GALNTL5: variants seen among roughly 807,000 people sequenced by gnomAD.
GALNTL5 encodes the protein polypeptide N-acetylgalactosaminyltransferase like 5.
In GALNTL5, 44 loss-of-function variants were observed where a neutral mutation model predicts 51.0. The ratio of observed to expected loss-of-function variants is 0.86; its 90% CI spans 0.68 to 1.11. The LOEUF (loss-of-function observed/expected upper bound fraction) is 1.11, where lower values mean the gene tolerates loss of function less well. Among genes scored for constraint, GALNTL5 ranks in the 50% least tolerant of loss-of-function variants. GALNTL5 has a pLI of 0.00. For missense variants in GALNTL5, 528 were observed against 531.8 expected (o/e 0.99, Z 0.07); for synonymous variants, 192 against 182.8 (o/e 1.05, Z -0.41).
chr7:151,972,529 G>C lies in GALNTL5; in HGVS notation c.368+1464G>C, dbSNP rs1368411923. Among the ~76,000 whole-genome samples the C allele has an allele frequency of 2.6e-5, 4 of 152,116 alleles. No individual in the cohort carries two copies. The East Asian group carries it at 7.7e-4, about 29-fold the overall frequency. ...ACCATGGCAACTCCTCCCATCACAG[G>C]CCCAGAGGCCTAGAAGGAAAAATGA... On this transcript the variant is annotated intron_variant, in intron 3 of 8. Transcript: ENST00000392800.
chr7:151,969,501 C>T (rs949988465), intron 2 of GALNTL5, among the ~76,000 whole-genome samples: 3 of 152,120 alleles, frequency 2.0e-5, no homozygotes, highest in Non-Finnish European at 4.4e-5. Context: ...GTGTCTGGCA[C>T]GCAGACACAG....
rs774954867 is a variant in GALNTL5, at chr7:151,971,018, T to C, written c.321T>C (p.Ser107=). 2.5e-5 allele frequency: 41 copies of C among 1,611,472 alleles called. No individual in the cohort carries two copies. The highest frequency in any genetic ancestry group is 3.5e-5 in the Non-Finnish European group (41 of 1,178,124). The change falls in exon 3 of 9, where the codon AGT becomes AGC. Residue 107 remains serine (S), a synonymous_variant. Coordinates refer to ENST00000392800, the MANE Select transcript of GALNTL5 (RefSeq NM_145292.4). ...LLKYGFNVII[S]RSLGIEREVP... is the part of the protein sequence containing the mutation. ...AATATGGATTTAATGTGATTATCAG[T>C]AGAAGCTTGGGCATCGAAAGAGAAG...
At chr7:152,014,569 T>G in intron 7 of GALNTL5, 75 bp from the exon 8 acceptor site, 7 of 1,417,034 alleles carry the variant, frequency 4.9e-6, no homozygotes, top group Non-Finnish European at 6.7e-6. Context: ...CACCTGGCCA[T>G]TATATTGGTT....
intron 8 of GALNTL5, among the ~76,000 whole-genome samples, chr7:152,016,513 G>A (rs527956077): frequency 1.5e-3 from 224 of 152,176 alleles, no homozygotes; most frequent in African/African-American, 5.2e-3. Context: ...ATCTGAAAAT[G>A]GCGTGGCAGC....
chr7:151,963,967 T>A (rs529603998), intron 1 of GALNTL5, among the ~76,000 whole-genome samples: 2 of 152,312 alleles, frequency 1.3e-5, no homozygotes, highest in African/African-American at 4.8e-5. Context: ...AGGAGTCAGC[T>A]CCGGCTGCCA....
chr7:152,007,978 A>G, intron 7 of GALNTL5, 34 bp downstream of exon 7: 1 of 1,156,284 alleles, frequency 8.6e-7, no homozygotes. Flanking sequence ...ATAGCTATAG[A>G]GAGTGAAACC....
At chr7:151,969,517 A>G (rs1400235912) in intron 2 of GALNTL5, among the ~76,000 whole-genome samples, 1 of 152,070 alleles carries the variant, frequency 6.6e-6, no homozygotes, top group East Asian at 1.9e-4. Flanking sequence ...CACAGCCAGC[A>G]CAGTTTCAAC....
chr7:151,998,892 A>AT (rs1446928681), intron 5 of GALNTL5, among the ~76,000 whole-genome samples: 1 of 152,162 alleles, frequency 6.6e-6, no homozygotes, highest in East Asian at 1.9e-4. Flanking sequence ...AATTAACCAG[A>AT]TTTTTTAAAA....
intron 5 of GALNTL5, among the ~76,000 whole-genome samples, chr7:152,000,234 A>G (rs2081554613): frequency 6.6e-6 from 1 of 152,178 alleles, no homozygotes; most frequent in Non-Finnish European, 1.5e-5. Flanking sequence ...AGCTATAGGG[A>G]TCATCTTAGA....
chr7:151,983,357 T>C, intron 4 of GALNTL5, among the ~76,000 whole-genome samples: 1 of 152,008 alleles, frequency 6.6e-6, no homozygotes, highest in Non-Finnish European at 1.5e-5. Flanking sequence ...TTTGTATTTT[T>C]AGTAGAGACG....
intron 5 of GALNTL5, among the ~76,000 whole-genome samples, chr7:151,991,857 G>A (rs1373265658): frequency 1.3e-5 from 2 of 152,160 alleles, no homozygotes; most frequent in East Asian, 3.9e-4. Context: ...GTATAGAGAT[G>A]ATAGATTAAA....
chr7:151,983,349 T>C (rs2081319694), intron 4 of GALNTL5, among the ~76,000 whole-genome samples, 197 bp downstream of exon 4: 1 of 152,122 alleles, frequency 6.6e-6, no homozygotes, highest in African/African-American at 2.4e-5. Flanking sequence ...GGCTAATTTT[T>C]GTATTTTTAG....
At chr7:151,996,694 A>C (rs1008457039) in intron 5 of GALNTL5, among the ~76,000 whole-genome samples, 3 of 152,182 alleles carry the variant, frequency 2.0e-5, no homozygotes, top group African/African-American at 7.2e-5. Flanking sequence ...GGTTACAGTG[A>C]GCTATGACTA....
Position 151,973,270 on chromosome 7 carries a change from G to T in GALNTL5, c.368+2205G>T, listed in dbSNP as rs150009078. ...AGGAGTTCAAGACCAGCCTGGCCAG[G>T]ATGGTGAAACCCCATCTCTACTAAA... is the stretch of plus-strand genomic sequence containing the variant. On this transcript the variant is annotated intron_variant, in intron 3 of 8. Transcript: ENST00000392800. Among the ~76,000 whole-genome samples, 626 of 150,950 alleles carry T rather than the reference G, an allele frequency of 4.1e-3. 4 individuals are homozygous for T. Among genetic ancestry groups the T allele is most frequent in the African/African-American group, 0.014 (583 of 41,118 alleles).
intron 1 of GALNTL5, among the ~76,000 whole-genome samples, chr7:151,962,868 C>T (rs2081009325): frequency 6.6e-6 from 1 of 152,132 alleles, no homozygotes; most frequent in South Asian, 2.1e-4. Flanking sequence ...CTCGGCCTCC[C>T]AAAGTGCTGG....
At chr7:151,987,850 G>A (rs566259861) in intron 5 of GALNTL5, among the ~76,000 whole-genome samples, 2 of 152,200 alleles carry the variant, frequency 1.3e-5, no homozygotes, top group African/African-American at 4.8e-5. Flanking sequence ...GTGGGCTAGG[G>A]GGAGCCCCAT....
At chr7:151,993,001 G>A (rs2081446661) in intron 5 of GALNTL5, among the ~76,000 whole-genome samples, 1 of 152,124 alleles carries the variant, frequency 6.6e-6, no homozygotes, top group African/African-American at 2.4e-5. Flanking sequence ...ACTTTGAGAG[G>A]CCGAGGCGGG....
chr7:152,001,571 C>T (rs958825727), intron 5 of GALNTL5, among the ~76,000 whole-genome samples: 2 of 152,168 alleles, frequency 1.3e-5, no homozygotes, highest in Non-Finnish European at 2.9e-5. Flanking sequence ...TGACCATAGA[C>T]ACATGGTTTA....
At chr7:151,987,531 C>T (rs1203921763) in intron 5 of GALNTL5, among the ~76,000 whole-genome samples, 1 of 148,878 alleles carries the variant, frequency 6.7e-6, no homozygotes, top group Non-Finnish European at 1.5e-5. Context: ...CTCTCACAGG[C>T]TGAGTTCCCC....
Sources: gnomAD v4.1 joint callset for allele counts (sites outside exome capture counted in the v4.1 genomes callset) on GRCh38, gnomAD v4.1.1 for gene constraint, MANE v1.5 for transcripts, NCBI Gene and HGNC (gene_info 2026-07-23, HGNC 2026-07-21) for gene names.